RPS6KC1: variants seen among roughly 807,000 people sequenced by gnomAD.
The protein encoded by RPS6KC1 is inactive ribosomal protein S6 kinase delta-1.
In RPS6KC1, 54 loss-of-function variants were observed where a neutral mutation model predicts 103.8. The observed-to-expected ratio is 0.52, with a 90% confidence interval of 0.42 to 0.65. The LOEUF is 0.65. Ranked by LOEUF, RPS6KC1 falls within the 30% of genes least tolerant of loss-of-function variation. RPS6KC1 has a pLI of 0.00. For synonymous variants in RPS6KC1, 439 were observed against 438.7 expected, an observed-to-expected ratio of 1.00 and a Z score of -0.01; for missense variants, 1,151 against 1,253.8, an observed-to-expected ratio of 0.92 and a Z score of 1.24.
At chr1:213,694,068 A>C in the RPS6KC1 span, among the ~76,000 whole-genome samples, 1 of 152,340 alleles carries the variant, frequency 6.6e-6, no homozygotes, top group South Asian at 2.1e-4. Context: ...CACAATAAGC[A>C]TGAGTGTCTC....
the RPS6KC1 span, among the ~76,000 whole-genome samples, chr1:213,533,984 T>C: frequency 6.6e-6 from 1 of 152,254 alleles, no homozygotes; most frequent in Non-Finnish European, 1.5e-5. Context: ...ACTCCTTCCC[T>C]GTTCTATGAT....
chr1:213,194,678 G>C (rs910810157), intron 8 of RPS6KC1, among the ~76,000 whole-genome samples: 2 of 152,192 alleles, frequency 1.3e-5, no homozygotes, highest in African/African-American at 4.8e-5. Context: ...TCTCATAGGA[G>C]CGCAAACCCT....
chr1:213,773,614 C>A, the RPS6KC1 span, among the ~76,000 whole-genome samples: 1 of 151,274 alleles, frequency 6.6e-6, no homozygotes, highest in African/African-American at 2.4e-5. Context: ...TGGGAAATTG[C>A]ATTTTATGTT....
chr1:213,413,921 A>G, the RPS6KC1 span, among the ~76,000 whole-genome samples: 1 of 152,164 alleles, frequency 6.6e-6, no homozygotes, highest in Admixed American at 6.5e-5. Context: ...GATACTTAGG[A>G]GACCACAGGG....
chr1:213,127,687 T>A (rs531305905), intron 5 of RPS6KC1, among the ~76,000 whole-genome samples: 26 of 152,232 alleles, frequency 1.7e-4, no homozygotes, highest in Non-Finnish European at 3.7e-4. Flanking sequence ...ATCATAAAAT[T>A]GGAGTTTTCA....
intron 12 of RPS6KC1, among the ~76,000 whole-genome samples, chr1:213,250,820 A>G (rs1306366856): frequency 2.0e-5 from 3 of 152,224 alleles, no homozygotes; most frequent in Non-Finnish European, 2.9e-5. Flanking sequence ...TGTCATATAC[A>G]AAAACTTAAA....
the RPS6KC1 span, among the ~76,000 whole-genome samples, chr1:213,734,285 AGATGTCATATAGACTTAGCTTTC>A: frequency 6.6e-6 from 1 of 152,230 alleles, no homozygotes; most frequent in Non-Finnish European, 1.5e-5. Context: ...TAACCTCATT[AGATGTCATATAGACTTAGCTTTC>A]GATGATATCA....
At chr1:213,209,695 CA>C (rs60840755) in intron 8 of RPS6KC1, among the ~76,000 whole-genome samples, 5,457 of 53,890 alleles carry the variant, frequency 0.1, 140 homozygotes, top group African/African-American at 0.32. Context: ...AACTCCGTCT[CA>C]AAAAAAAAAA....
the RPS6KC1 span, among the ~76,000 whole-genome samples, chr1:213,494,784 A>T: frequency 6.6e-6 from 1 of 152,020 alleles, no homozygotes; most frequent in African/African-American, 2.4e-5. Flanking sequence ...ATTTTTTTTG[A>T]ACTGAAGAAC....
chr1:213,306,452 G>A, the RPS6KC1 span, among the ~76,000 whole-genome samples: 1 of 152,166 alleles, frequency 6.6e-6, no homozygotes, highest in South Asian at 2.1e-4. Context: ...CATTATGTAG[G>A]CTTTATGTTT....
At position 213,068,219 on chromosome 1, in the gene RPS6KC1, C is replaced by T. The variant is rs552425246; in HGVS notation, c.106-2787C>T. On this transcript the variant is annotated intron_variant, in intron 1 of 14. Transcript: ENST00000366960. ...ATGTAAGAACGGCGGGGCGCAGTGG[C>T]TCACGCCTGTAATCCCAGCACTTTG... Among the ~76,000 whole-genome samples the T allele has an allele frequency of 2.5e-3, 388 of 152,182 alleles. 1 individual carries two copies. Among genetic ancestry groups the T allele is most frequent in the Admixed American group, 4.3e-3 (65 of 15,284 alleles).
the RPS6KC1 span, among the ~76,000 whole-genome samples, chr1:213,695,331 G>T: frequency 6.6e-6 from 1 of 152,206 alleles, no homozygotes; most frequent in South Asian, 2.1e-4. Flanking sequence ...CATGGTGCCA[G>T]AATTGAAATA....
At chr1:213,488,238 C>T in the RPS6KC1 span, among the ~76,000 whole-genome samples, 1 of 152,232 alleles carries the variant, frequency 6.6e-6, no homozygotes, top group East Asian at 1.9e-4. Flanking sequence ...TGGCATGTAG[C>T]TGGCAATGGA....
At chr1:213,861,098 C>T in the RPS6KC1 span, among the ~76,000 whole-genome samples, 1 of 152,180 alleles carries the variant, frequency 6.6e-6, no homozygotes, top group Non-Finnish European at 1.5e-5. Context: ...CCTGAGTCAC[C>T]ATGCCCAGCT....
chr1:213,466,077 C>T, the RPS6KC1 span, among the ~76,000 whole-genome samples: 1 of 152,152 alleles, frequency 6.6e-6, no homozygotes, highest in Non-Finnish European at 1.5e-5. Flanking sequence ...CTCTTTGATA[C>T]TGCTTCTCCC....
At chr1:213,290,159 A>AG in the RPS6KC1 span, among the ~76,000 whole-genome samples, 1 of 151,618 alleles carries the variant, frequency 6.6e-6, no homozygotes, top group Admixed American at 6.6e-5. Flanking sequence ...AAAAAAAAAA[A>AG]AAAAAAAAAG....
chr1:213,714,817 G>A, the RPS6KC1 span, among the ~76,000 whole-genome samples: 3,763 of 152,268 alleles, frequency 0.025, 162 homozygotes, highest in African/African-American at 0.085. Context: ...TGCCGCTGGT[G>A]GGGGTGGAGG....
chr1:213,602,094 T>TTCTTTCTTTC, the RPS6KC1 span, among the ~76,000 whole-genome samples: 8 of 35,256 alleles, frequency 2.3e-4, 1 homozygote, highest in African/African-American at 1.2e-3. Context: ...CTTTCTTTCT[T>TTCTTTCTTTC]TCTTTCTTTC....
the RPS6KC1 span, among the ~76,000 whole-genome samples, chr1:213,632,159 A>G: frequency 0.37 from 56,204 of 152,162 alleles, 11,473 homozygotes; most frequent in Non-Finnish European, 0.46. Context: ...CACTCACCCA[A>G]TGAAGGACAT....
Sources: gnomAD v4.1 joint callset for allele counts (sites outside exome capture counted in the v4.1 genomes callset) on GRCh38, gnomAD v4.1.1 for gene constraint, MANE v1.5 for transcripts, NCBI Gene and HGNC (gene_info 2026-07-23, HGNC 2026-07-21) for gene names.